The following PAK5 variants were observed in gnomAD, a reference collection of about 807,000 sequenced individuals.
PAK5 encodes p21 (RAC1) activated kinase 5.
In PAK5, 16 loss-of-function variants were observed where a neutral mutation model predicts 65.9. The observed-to-expected ratio is 0.24, with a 90% CI of 0.16 to 0.37. PAK5 has a LOEUF of 0.37. Ranked by LOEUF, PAK5 falls within the 10% of genes least tolerant of loss-of-function variation. The pLI, the probability that PAK5 is intolerant of heterozygous loss-of-function variation, is 1.00. For synonymous variants in PAK5, 371 were observed against 354.9 expected, an observed-to-expected ratio of 1.05 and a Z score of -0.51; for missense variants, 785 against 903.9, an observed-to-expected ratio of 0.87 and a Z score of 1.69.
intron 1 of PAK5, among the ~76,000 whole-genome samples, chr20:9,749,183 A>G (rs1325614148): frequency 2.0e-5 from 3 of 152,184 alleles, no homozygotes; most frequent in African/African-American, 7.2e-5. Context: ...CATTGACATT[A>G]TTATTTCAAA....
At chr20:9,586,470 A>G (rs2046072139) in intron 3 of PAK5, among the ~76,000 whole-genome samples, 2 of 152,212 alleles carry the variant, frequency 1.3e-5, no homozygotes, top group Non-Finnish European at 2.9e-5. Context: ...GCATCTATTT[A>G]TCCTAAAATA....
At chr20:9,708,502 A>G (rs2048036636) in intron 2 of PAK5, among the ~76,000 whole-genome samples, 1 of 152,216 alleles carries the variant, frequency 6.6e-6, no homozygotes, top group African/African-American at 2.4e-5. Flanking sequence ...GTTGCTCAAT[A>G]AATGATAGCT....
intron 1 of PAK5, among the ~76,000 whole-genome samples, chr20:9,773,011 A>T (rs2048850883): frequency 6.6e-6 from 1 of 152,216 alleles, no homozygotes; most frequent in Non-Finnish European, 1.5e-5. Flanking sequence ...AAGAGAGATA[A>T]ATCCTCATGA....
rs116457315 is a variant in PAK5, at chr20:9,665,839, C to T, written c.-11-21500G>A. Among the ~76,000 whole-genome samples, 285 of 152,010 alleles carry T rather than the reference C, an allele frequency of 1.9e-3. 1 individual carries two copies. Among genetic ancestry groups the T allele is most frequent in the African/African-American group, 6.6e-3 (274 of 41,474 alleles). On this transcript the variant is annotated intron_variant, in intron 2 of 9. Coordinates refer to ENST00000353224, the MANE Select transcript of PAK5 (RefSeq NM_177990.4). ...AGAAATGCTTGCCCTGCACTTGGCCCCTATTTTTCCTTCCCACTGCTTAGA... is the reference window on the plus strand; with the variant it reads ...AGAAATGCTTGCCCTGCACTTGGCCTCTATTTTTCCTTCCCACTGCTTAGA...
At chr20:9,768,978 C>T (rs752702001) in intron 1 of PAK5, among the ~76,000 whole-genome samples, 3 of 152,088 alleles carry the variant, frequency 2.0e-5, no homozygotes, top group Non-Finnish European at 2.9e-5. Context: ...TATCTAATTG[C>T]CCCGTTCATT....
intron 1 of PAK5, among the ~76,000 whole-genome samples, chr20:9,766,471 A>ACT (rs2048767553): frequency 1.6e-5 from 1 of 62,366 alleles, no homozygotes; most frequent in African/African-American, 1.1e-4. Flanking sequence ...AGCAGAATAT[A>ACT]TATGTATATA....
At chr20:9,686,950 C>T (rs1268228758) in intron 2 of PAK5, among the ~76,000 whole-genome samples, 1 of 152,120 alleles carries the variant, frequency 6.6e-6, no homozygotes, top group African/African-American at 2.4e-5. Context: ...GCCAGTGACT[C>T]AGTGTGTGAC....
At chr20:9,630,474 CTG>C (rs2046907137) in intron 3 of PAK5, among the ~76,000 whole-genome samples, 1 of 152,190 alleles carries the variant, frequency 6.6e-6, no homozygotes, top group African/African-American at 2.4e-5. Context: ...TTTAAAATAT[CTG>C]TGGATGTGGC....
At chr20:9,657,236 T>C (rs892247718) in intron 2 of PAK5, among the ~76,000 whole-genome samples, 4 of 152,200 alleles carry the variant, frequency 2.6e-5, no homozygotes, top group Admixed American at 6.5e-5. Context: ...ATAAATGAAA[T>C]CATAGATTAT....
chr20:9,823,523 A>C (rs1330862499), intron 1 of PAK5, among the ~76,000 whole-genome samples: 1 of 152,160 alleles, frequency 6.6e-6, no homozygotes, highest in Non-Finnish European at 1.5e-5. Flanking sequence ...TGATGGTTTT[A>C]TAAATGAGCT....
intron 3 of PAK5, among the ~76,000 whole-genome samples, chr20:9,629,714 T>C (rs1600168565): frequency 6.6e-6 from 1 of 152,232 alleles, no homozygotes; most frequent in East Asian, 1.9e-4. Context: ...TTAAAGTCCA[T>C]ATCTTTAAAC....
intron 3 of PAK5, among the ~76,000 whole-genome samples, chr20:9,583,176 C>T (rs2046010153): frequency 6.6e-6 from 1 of 152,200 alleles, no homozygotes; most frequent in Non-Finnish European, 1.5e-5. Context: ...CACACTCACA[C>T]ACCTATAATT....
intron 7 of PAK5, among the ~76,000 whole-genome samples, chr20:9,549,040 A>C (rs1224101182): frequency 6.6e-6 from 1 of 152,130 alleles, no homozygotes; most frequent in Non-Finnish European, 1.5e-5. Flanking sequence ...ATGTAGTATG[A>C]AAAAAAGGGC....
intron 2 of PAK5, among the ~76,000 whole-genome samples, chr20:9,693,004 C>A (rs1396610866): frequency 2.6e-5 from 4 of 152,134 alleles, no homozygotes; most frequent in African/African-American, 9.7e-5. Context: ...GCCACAGTAG[C>A]AATGCTAGTT....
Position 9,565,807 on chromosome 20 carries a change from G to A in PAK5, c.1482+86C>T, listed in dbSNP as rs561720879. 3.4e-3 allele frequency: 4,495 copies of A among 1,326,458 alleles called. 10 individuals are homozygous for A. The highest frequency in any genetic ancestry group is 4.2e-3 in the Non-Finnish European group (4,028 of 955,852). 82.2% of individuals were successfully genotyped at this position (1,326,458 alleles called of 1,614,324 possible). ...TTTATATTTTCAGTGCTTTTCTAAT[G>A]TCCTAAAATGTACATGTGTATAACT... On this transcript the variant is annotated intron_variant, in intron 5 of 9. Transcript: ENST00000353224.
intron 1 of PAK5, among the ~76,000 whole-genome samples, chr20:9,732,870 A>T (rs1450920956): frequency 6.6e-6 from 1 of 152,236 alleles, no homozygotes; most frequent in Non-Finnish European, 1.5e-5. Flanking sequence ...TTGAGAAGAA[A>T]TGGTGCTTGC....
chr20:9,610,885 G>A (rs755477569), intron 3 of PAK5, among the ~76,000 whole-genome samples: 1 of 152,178 alleles, frequency 6.6e-6, no homozygotes, highest in African/African-American at 2.4e-5. Context: ...GGAGCTAGGT[G>A]GGCCCATTTC....
At chr20:9,693,127 G>A (rs960696231) in intron 2 of PAK5, among the ~76,000 whole-genome samples, 3 of 152,028 alleles carry the variant, frequency 2.0e-5, no homozygotes, top group Admixed American at 6.6e-5. Flanking sequence ...CAACTTTCCT[G>A]GTTCCGTGGA....
intron 1 of PAK5, among the ~76,000 whole-genome samples, chr20:9,775,515 T>C (rs920171679): frequency 6.6e-6 from 1 of 152,236 alleles, no homozygotes; most frequent in Admixed American, 6.5e-5. Context: ...TTCCTTCAAG[T>C]ACTAAATATT....
Sources: allele counts gnomAD v4.1 joint callset (sites outside exome capture counted in the v4.1 genomes callset), GRCh38; gene constraint gnomAD v4.1.1; transcripts MANE v1.5; gene names NCBI Gene and HGNC (gene_info 2026-07-23, HGNC 2026-07-21).